Variants in RNASE11 observed in about 807,000 individuals in gnomAD.
RNASE11 encodes ribonuclease A family member 11 (inactive).
For synonymous variants in RNASE11, 105 were observed against 86.1 expected (o/e 1.22, Z -1.21); for missense variants, 252 against 237.8 (o/e 1.06, Z -0.39).
chr14:20,584,002 C>A (rs1455917397), exon 2 of RNASE11: 3 of 1,614,068 alleles, frequency 1.9e-6, no homozygotes, highest in Non-Finnish European at 2.5e-6. Flanking sequence ...AGTGAACTGG[C>A]ACACTGTATT....
At chr14:20,585,325 T>C (rs1884413192) in intron 1 of RNASE11, among the ~76,000 whole-genome samples, 1 of 152,252 alleles carries the variant, frequency 6.6e-6, no homozygotes, top group Non-Finnish European at 1.5e-5. Context: ...AAACCCAGCA[T>C]GACTTTTTTG....
chr14:20,585,991 C>T (rs1884426038), intron 1 of RNASE11, among the ~76,000 whole-genome samples: 1 of 152,130 alleles, frequency 6.6e-6, no homozygotes, highest in South Asian at 2.1e-4. Context: ...TTACTTCCCT[C>T]CTAATCACCC....
chr14:20,587,898 G>T (rs912834885), upstream of RNASE11: 8 of 944,306 alleles, frequency 8.5e-6, no homozygotes, highest in Non-Finnish European at 8.8e-6. Context: ...GTCCAAATGA[G>T]CAATGAACAG....
upstream of RNASE11, chr14:20,588,396 A>T (rs991292358): frequency 6.6e-6 from 1 of 152,208 alleles, no homozygotes; most frequent in African/African-American, 2.4e-5. Context: ...AAGAGAAAAG[A>T]GTTAGTAGTC....
rs1200783652 is a variant in RNASE11 at position 20,584,470 on chromosome 14, TC to T, written c.4del (p.Glu2ArgfsTer22). Reference sequence around the variant, plus strand: ...GCTGAGCAGCAGCAGAGGAAAGGTCTCCATCTCAGATGTAGTGTAATCTCTT... The same window carrying T: ...GCTGAGCAGCAGCAGAGGAAAGGTCTCATCTCAGATGTAGTGTAATCTCTT... On this transcript the variant is annotated frameshift_variant, in exon 2 of 2. Transcript: ENST00000553849. LOFTEE classifies it low-confidence loss of function (END_TRUNC). 2.5e-6 allele frequency: 4 copies of T among 1,588,168 alleles called. No homozygotes were observed. In the Admixed American group the frequency reaches 7.2e-5, roughly 29 times the overall value.
At chr14:20,586,338 T>A (rs1884432923) in intron 1 of RNASE11, among the ~76,000 whole-genome samples, 2 of 152,246 alleles carry the variant, frequency 1.3e-5, no homozygotes. Context: ...TTATTTTACA[T>A]GTTTCATCAC....
intron 1 of RNASE11, 71 bp from the exon 3 acceptor site, chr14:20,584,567 G>T: frequency 7.7e-7 from 1 of 1,293,554 alleles, no homozygotes; most frequent in Non-Finnish European, 1.0e-6. Context: ...CCTCCTGACA[G>T]TTATTCCTGG....
intron 1 of RNASE11, chr14:20,584,933 A>T: frequency 3.4e-6 from 1 of 294,226 alleles, no homozygotes; most frequent in Non-Finnish European, 5.0e-6. Context: ...GGCACATGGT[A>T]GCCACTCGAA....
intron 1 of RNASE11, among the ~76,000 whole-genome samples, chr14:20,587,340 A>T (rs1409266621): frequency 6.6e-6 from 1 of 152,196 alleles, no homozygotes; most frequent in Non-Finnish European, 1.5e-5. Flanking sequence ...TTTTATCTGC[A>T]AGATATTTTT....
chr14:20,584,265 A>G (rs780838269), exon 2 of RNASE11: 2 of 1,614,220 alleles, frequency 1.2e-6, no homozygotes, highest in Admixed American at 3.3e-5. Context: ...TGGAAGACAT[A>G]TCATCCTTGG....
chr14:20,584,626 T>G, intron 1 of RNASE11, 130 bp from the exon 3 acceptor site: 1 of 625,180 alleles, frequency 1.6e-6, no homozygotes, highest in Non-Finnish European at 2.6e-6. Flanking sequence ...TGAATGGAAC[T>G]ATGATATAAT....
upstream of RNASE11, among the ~76,000 whole-genome samples, chr14:20,588,724 G>A (rs1884489279): frequency 6.6e-6 from 1 of 152,186 alleles, no homozygotes; most frequent in Non-Finnish European, 1.5e-5. Flanking sequence ...CAAAATTTAA[G>A]AGAGTGCCAC....
At chr14:20,587,023 T>C (rs1210547311) in intron 1 of RNASE11, among the ~76,000 whole-genome samples, 1 of 152,172 alleles carries the variant, frequency 6.6e-6, no homozygotes, top group African/African-American at 2.4e-5. Context: ...TGTGGTGGCA[T>C]ATGCCTATAG....
exon 2 of RNASE11, chr14:20,583,576 G>A (rs1884355581): frequency 9.8e-6 from 3 of 306,202 alleles, no homozygotes. Flanking sequence ...GCCTAGTTAG[G>A]TGGATTCTGT....
chr14:20,587,759 C>T (rs1013910811), upstream of RNASE11: 6 of 985,368 alleles, frequency 6.1e-6, no homozygotes, highest in Non-Finnish European at 7.2e-6. Context: ...GCAAACTGTC[C>T]TTCACTTACG....
exon 2 of RNASE11, chr14:20,583,962 G>A (rs1439606715): frequency 1.9e-6 from 3 of 1,614,126 alleles, no homozygotes; most frequent in African/African-American, 1.3e-5. Flanking sequence ...TAACACTATG[G>A]TATTGGCACC....
chr14:20,584,615 G>T, intron 1 of RNASE11, 119 bp from the exon 3 acceptor site: 1 of 704,478 alleles, frequency 1.4e-6, no homozygotes, highest in Non-Finnish European at 2.2e-6. Flanking sequence ...TTTTATATCT[G>T]TGAATGGAAC....
upstream of RNASE11, chr14:20,590,161 A>C (rs536512259): frequency 1.3e-5 from 20 of 1,494,960 alleles, no homozygotes; most frequent in Admixed American, 4.8e-4. Flanking sequence ...ATTAATTACC[A>C]GTGGCTTCCC....
At chr14:20,584,090 G>C in exon 2 of RNASE11, 1 of 1,614,158 alleles carries the variant, frequency 6.2e-7, no homozygotes, top group East Asian at 2.2e-5. Flanking sequence ...TGGACCCTGC[G>C]CATCACTTCT....
Sources: gnomAD v4.1 joint callset for allele counts (sites outside exome capture counted in the v4.1 genomes callset) on GRCh38, gnomAD v4.1.1 for gene constraint, MANE v1.5 for transcripts, NCBI Gene and HGNC (gene_info 2026-07-23, HGNC 2026-07-21) for gene names.